METTL16: variants seen among roughly 807,000 people sequenced by gnomAD.
METTL16 encodes RNA N(6)-adenosine-methyltransferase METTL16.
Under a neutral mutation model 57.9 loss-of-function variants are expected in METTL16, and 19 were observed. The observed-to-expected ratio is 0.33, with a 90% CI of 0.23 to 0.48. The LOEUF (loss-of-function observed/expected upper bound fraction) is 0.48. Ranked by LOEUF, METTL16 falls within the 20% of genes least tolerant of loss-of-function variation. METTL16 has a pLI of 0.99. For synonymous variants in METTL16, 246 were observed against 255.6 expected (o/e 0.96, Z 0.36); for missense variants, 434 against 691.5 (o/e 0.63, Z 4.18).
intron 5 of METTL16, among the ~76,000 whole-genome samples, chr17:2,465,708 CA>C (rs1198246661): frequency 6.7e-6 from 1 of 150,222 alleles, no homozygotes; most frequent in Non-Finnish European, 1.5e-5. Flanking sequence ...AATAAAAATG[CA>C]AAAAAAATTA....
intron 1 of METTL16, among the ~76,000 whole-genome samples, chr17:2,510,014 T>C (rs371892806): frequency 7.3e-5 from 11 of 151,506 alleles, no homozygotes; most frequent in East Asian, 5.8e-4. Flanking sequence ...GAGGTGGAGG[T>C]TGCAGTGAGC....
chr17:2,493,876 G>A (rs377502518), intron 2 of METTL16, among the ~76,000 whole-genome samples: 42 of 152,082 alleles, frequency 2.8e-4, no homozygotes, highest in South Asian at 8.3e-4. Context: ...AGGTTCCTGC[G>A]AACCATGCGA....
At chr17:2,506,133 T>G (rs182313738) in intron 1 of METTL16, among the ~76,000 whole-genome samples, 1 of 151,938 alleles carries the variant, frequency 6.6e-6, no homozygotes, top group Non-Finnish European at 1.5e-5. Context: ...TTTTCCTCCC[T>G]CTCTTCAGTC....
intron 1 of METTL16, among the ~76,000 whole-genome samples, chr17:2,508,816 A>T (rs1207335708): frequency 6.6e-6 from 1 of 152,184 alleles, no homozygotes; most frequent in Admixed American, 6.6e-5. Flanking sequence ...TTAAAAAGGC[A>T]GGCATAATCC....
chr17:2,487,285 C>T (rs1320035937), intron 2 of METTL16, among the ~76,000 whole-genome samples: 5 of 152,074 alleles, frequency 3.3e-5, no homozygotes, highest in East Asian at 1.9e-4. Flanking sequence ...GACATTTAAG[C>T]GGAGATGGAG....
Position 2,458,702 on chromosome 17 carries a change from A to T in METTL16, c.728+5506T>A, listed in dbSNP as rs542756642. On this transcript the variant is annotated intron_variant, in intron 6 of 9. Coordinates refer to ENST00000263092, the MANE Select transcript of METTL16 (RefSeq NM_024086.4). The stretch of plus-strand genomic sequence containing the variant: ...ACTGCAGCCTGGGTGACAGAGCAAG[A>T]CTCTGACACACACACACATACACAC... Among the ~76,000 whole-genome samples, 5 of 151,886 alleles carry T rather than the reference A, an allele frequency of 3.3e-5. No homozygotes were observed. In the South Asian group the frequency reaches 1.0e-3, roughly 32 times the overall value.
chr17:2,421,608 A>G (rs2066766430), intron 8 of METTL16, among the ~76,000 whole-genome samples: 1 of 152,174 alleles, frequency 6.6e-6, no homozygotes, highest in Non-Finnish European at 1.5e-5. Context: ...GACCTGCACA[A>G]TTATTTATTT....
intron 8 of METTL16, among the ~76,000 whole-genome samples, chr17:2,437,625 C>T (rs1342408608): frequency 6.6e-6 from 1 of 152,110 alleles, no homozygotes; most frequent in Non-Finnish European, 1.5e-5. Flanking sequence ...AATCTCAGCT[C>T]ACCGCAACCT....
intron 8 of METTL16, among the ~76,000 whole-genome samples, chr17:2,423,259 A>AC (rs2066781124): frequency 3.4e-5 from 3 of 87,088 alleles, no homozygotes; most frequent in Admixed American, 1.4e-4. Context: ...TAAAAAACAA[A>AC]GGGTGTGTGT....
intron 1 of METTL16, among the ~76,000 whole-genome samples, chr17:2,503,812 A>C (rs548536582): frequency 1.7e-4 from 26 of 152,064 alleles, no homozygotes; most frequent in Non-Finnish European, 3.8e-4. Context: ...ATATGGATCA[A>C]CAAAATACGG....
intron 2 of METTL16, among the ~76,000 whole-genome samples, chr17:2,492,405 G>A (rs1467044613): frequency 6.6e-6 from 1 of 152,060 alleles, no homozygotes; most frequent in Non-Finnish European, 1.5e-5. Context: ...AGAAAAATAA[G>A]ATATCAGAGT....
intron 1 of METTL16, among the ~76,000 whole-genome samples, chr17:2,504,884 T>A (rs2067518789): frequency 6.6e-6 from 1 of 152,138 alleles, no homozygotes; most frequent in African/African-American, 2.4e-5. Context: ...GGGGTTAGTT[T>A]TTACAGTATC....
Position 2,503,842 on chromosome 17 carries a change from T to C in METTL16, c.1-1511A>G, listed in dbSNP as rs146468783. On this transcript the variant is annotated intron_variant, in intron 1 of 9. Transcript: ENST00000263092. ...ATACGGTATATCCACACACTAAATA[T>C]GGATCAACAAAATACGGTATATCCA... is the stretch of plus-strand genomic sequence containing the variant. Among the ~76,000 whole-genome samples the C allele has an allele frequency of 8.5e-5, 13 of 152,064 alleles. No homozygotes were observed. The East Asian group carries it at 2.5e-3, about 29-fold the overall frequency.
intron 2 of METTL16, among the ~76,000 whole-genome samples, chr17:2,490,099 CT>C (rs1453179735): frequency 2.0e-5 from 3 of 152,130 alleles, no homozygotes; most frequent in East Asian, 3.8e-4. Flanking sequence ...CAAAAAGACC[CT>C]GTATAAACAG....
At chr17:2,437,005 C>T (rs1597442888) in intron 8 of METTL16, among the ~76,000 whole-genome samples, 1 of 151,902 alleles carries the variant, frequency 6.6e-6, no homozygotes, top group Admixed American at 6.6e-5. Flanking sequence ...CCTCAGCCTC[C>T]GCAGCAGCTG....
At chr17:2,449,174 G>A (rs1597449695) in intron 6 of METTL16, among the ~76,000 whole-genome samples, 1 of 152,146 alleles carries the variant, frequency 6.6e-6, no homozygotes, top group Non-Finnish European at 1.5e-5. Context: ...CGTATAATGT[G>A]TGTAAAGGTG....
chr17:2,446,661 C>T (rs2151553037), intron 6 of METTL16, among the ~76,000 whole-genome samples: 1 of 151,696 alleles, frequency 6.6e-6, no homozygotes, highest in South Asian at 2.1e-4. Flanking sequence ...TGATGCCGAG[C>T]CAAGGCTGGA....
intron 2 of METTL16, among the ~76,000 whole-genome samples, chr17:2,499,256 A>C (rs2067469493): frequency 1.3e-5 from 2 of 151,488 alleles, no homozygotes; most frequent in Admixed American, 1.3e-4. Flanking sequence ...GTGGCTAATC[A>C]ATAGGTTTTT....
chr17:2,473,802 G>A (rs1184039234), intron 3 of METTL16, 138 bp from the exon 4 acceptor site: 5 of 854,964 alleles, frequency 5.8e-6, no homozygotes, highest in Admixed American at 6.7e-5. Flanking sequence ...GCAGTGGTGT[G>A]ATCACGGTTC....
Sources: gnomAD v4.1 joint callset for allele counts (sites outside exome capture counted in the v4.1 genomes callset) on GRCh38, gnomAD v4.1.1 for gene constraint, MANE v1.5 for transcripts, NCBI Gene and HGNC (gene_info 2026-07-23, HGNC 2026-07-21) for gene names.